Variants in PCDH9 observed in about 807,000 individuals in gnomAD.
PCDH9 encodes protocadherin 9.
PCDH9 carries 24 observed loss-of-function variants against 70.6 expected under a neutral mutation model. That is an observed-to-expected ratio of 0.34 (90% CI 0.25 to 0.48). PCDH9 has a LOEUF of 0.48. Ranked by LOEUF, PCDH9 falls within the 20% of genes least tolerant of loss-of-function variation. The pLI is 0.99. For missense variants in PCDH9, 1,281 were observed against 1,503.6 expected (o/e 0.85, Z 2.45); for synonymous variants, 562 against 558.5 (o/e 1.01, Z -0.09).
At chr13:66,348,327 T>C (rs1357360998) in intron 4 of PCDH9, among the ~76,000 whole-genome samples, 1 of 151,962 alleles carries the variant, frequency 6.6e-6, no homozygotes, top group African/African-American at 2.4e-5. Flanking sequence ...ACTTCTACCA[T>C]AGAAATGTTC....
chr13:67,227,901 T>C lies in PCDH9; in HGVS notation c.540A>G (p.Glu180=). Residue 180 remains glutamate (E), a synonymous_variant, in exon 2 of 5, where the codon GAA becomes GAG. Transcript: ENST00000377865. This position sits in a 1 kb window ranked among gnomAD's most constrained non-coding sequence, Gnocchi z 4.6. ...CAAAAACACTCTGCCCATTTAACAA[T>C]TCATAATGCTGTACACCATTGAAGC... ...DTGFNGVQHY[E]LLNGQSVFGL... is the part of the protein sequence containing the mutation. 1 of 1,614,096 alleles carries C rather than the reference T, an allele frequency of 6.2e-7. No homozygotes were observed. Among genetic ancestry groups the C allele is most frequent in the Non-Finnish European group, 8.5e-7 (1 of 1,179,970 alleles).
chr13:66,558,967 G>C, intron 4 of PCDH9, among the ~76,000 whole-genome samples: 1 of 152,162 alleles, frequency 6.6e-6, no homozygotes, highest in Admixed American at 6.5e-5. Context: ...CTTAATTTGT[G>C]CTTCAATGGC....
intron 2 of PCDH9, among the ~76,000 whole-genome samples, chr13:67,074,098 T>TTATCTATC (rs142323334): frequency 6.6e-6 from 1 of 151,518 alleles, no homozygotes; most frequent in East Asian, 1.9e-4. Flanking sequence ...TGTCTGTCTA[T>TTATCTATC]TATCTATCTA....
intron 4 of PCDH9, among the ~76,000 whole-genome samples, chr13:66,446,796 A>G (rs1047320261): frequency 3.3e-5 from 5 of 152,098 alleles, no homozygotes; most frequent in African/African-American, 4.8e-5. Flanking sequence ...ACTGTAAAAA[A>G]AATAGAATTT....
At chr13:66,549,994 T>C (rs1030200739) in intron 4 of PCDH9, among the ~76,000 whole-genome samples, 2 of 152,144 alleles carry the variant, frequency 1.3e-5, no homozygotes, top group African/African-American at 4.8e-5. Flanking sequence ...AAAAATACAA[T>C]ATCTCATCTA....
At chr13:66,354,692 T>G (rs1188201843) in intron 4 of PCDH9, among the ~76,000 whole-genome samples, 1 of 152,106 alleles carries the variant, frequency 6.6e-6, no homozygotes, top group Non-Finnish European at 1.5e-5. Flanking sequence ...AAGCTTTCAT[T>G]TTGAACAGGC....
At chr13:66,865,622 G>C (rs902170478) in intron 3 of PCDH9, among the ~76,000 whole-genome samples, 1 of 152,178 alleles carries the variant, frequency 6.6e-6, no homozygotes, top group African/African-American at 2.4e-5. Context: ...TTCACAAAAT[G>C]TATCTTCCCT....
intron 3 of PCDH9, among the ~76,000 whole-genome samples, chr13:66,788,835 C>A (rs1437516473): frequency 6.6e-6 from 1 of 152,028 alleles, no homozygotes; most frequent in Admixed American, 6.6e-5. Flanking sequence ...ATTCTTTCCT[C>A]TTTCCCAGCA....
chr13:66,710,035 CCCAATGTCCTA>C (rs2078771194), intron 3 of PCDH9, among the ~76,000 whole-genome samples: 1 of 152,006 alleles, frequency 6.6e-6, no homozygotes, highest in Non-Finnish European at 1.5e-5. Context: ...TTAAAAATTA[CCCAATGTCCTA>C]TGTCAGCTAT....
intron 3 of PCDH9, among the ~76,000 whole-genome samples, chr13:66,736,942 G>T (rs1219264107): frequency 1.2e-4 from 18 of 152,116 alleles, no homozygotes. Context: ...CAACTTCGCA[G>T]GATCATTTGT....
intron 2 of PCDH9, among the ~76,000 whole-genome samples, chr13:67,127,888 T>A (rs1161327063): frequency 1.3e-5 from 2 of 152,068 alleles, no homozygotes; most frequent in Admixed American, 6.6e-5. Flanking sequence ...TATATGTCTG[T>A]CATTTTGTTA....
At chr13:67,139,581 A>G (rs1290593248) in intron 2 of PCDH9, among the ~76,000 whole-genome samples, 1 of 152,226 alleles carries the variant, frequency 6.6e-6, no homozygotes, top group Non-Finnish European at 1.5e-5. Flanking sequence ...GATTTCGAAC[A>G]TATCTCAAAT....
At chr13:66,445,896 T>C (rs1253004363) in intron 4 of PCDH9, among the ~76,000 whole-genome samples, 2 of 151,048 alleles carry the variant, frequency 1.3e-5, no homozygotes, top group Non-Finnish European at 3.0e-5. Flanking sequence ...TTCTCTTCCA[T>C]GTTTATTTCA....
chr13:66,341,960 T>C (rs373819542), intron 4 of PCDH9, among the ~76,000 whole-genome samples: 15 of 152,288 alleles, frequency 9.8e-5, no homozygotes, highest in African/African-American at 3.1e-4. Context: ...CTCACTTAGA[T>C]TGAAGTCTCA....
chr13:66,816,355 A>G (rs2080604391), intron 3 of PCDH9, among the ~76,000 whole-genome samples: 1 of 152,186 alleles, frequency 6.6e-6, no homozygotes, highest in African/African-American at 2.4e-5. Flanking sequence ...GTCCTAGATC[A>G]GTAGGATTAT....
intron 4 of PCDH9, among the ~76,000 whole-genome samples, chr13:66,364,040 A>C (rs1450043655): frequency 6.6e-6 from 1 of 152,086 alleles, no homozygotes; most frequent in African/African-American, 2.4e-5. Flanking sequence ...CTGTAATCCC[A>C]GCTACTCGGG....
intron 3 of PCDH9, among the ~76,000 whole-genome samples, chr13:66,669,759 T>C (rs1387978768): frequency 4.6e-5 from 7 of 152,332 alleles, no homozygotes; most frequent in Non-Finnish European, 1.0e-4. Context: ...AGGCTTATTG[T>C]GTAAACATCA....
At chr13:67,182,736 G>GCGTTT (rs2088650947) in intron 2 of PCDH9, among the ~76,000 whole-genome samples, 1 of 152,038 alleles carries the variant, frequency 6.6e-6, no homozygotes. Flanking sequence ...AAGTAGAATA[G>GCGTTT]CGTTTACTAA....
chr13:67,184,478 C>G (rs1029350517), intron 2 of PCDH9, among the ~76,000 whole-genome samples: 1 of 152,136 alleles, frequency 6.6e-6, no homozygotes, highest in Non-Finnish European at 1.5e-5. Flanking sequence ...CTTGTAATCA[C>G]AGAACTCTGG....
Sources: allele counts gnomAD v4.1 joint callset (sites outside exome capture counted in the v4.1 genomes callset), GRCh38; gene constraint gnomAD v4.1.1; non-coding constraint Gnocchi (gnomAD v3.1); transcripts MANE v1.5; gene names NCBI Gene and HGNC (gene_info 2026-07-23, HGNC 2026-07-21).